FN1: variants seen among roughly 807,000 people sequenced by gnomAD.
FN1 encodes the protein fibronectin.
FN1 carries 106 observed loss-of-function variants against 297.3 expected under a neutral mutation model. The ratio of observed to expected loss-of-function variants is 0.36; its 90% CI spans 0.30 to 0.42. FN1 has a LOEUF of 0.42. Among genes scored for constraint, FN1 ranks in the 10% least tolerant of loss-of-function variants. The pLI, the probability that FN1 is intolerant of heterozygous loss-of-function variation, is 1.00. For synonymous variants in FN1, 1,149 were observed against 1,152.6 expected (o/e 1.00, Z 0.06); for missense variants, 2,690 against 3,124.9 (o/e 0.86, Z 3.32).
intron 21 of FN1, 45 bp downstream of exon 21, chr2:215,399,212 C>G: frequency 5.8e-6 from 8 of 1,381,672 alleles, no homozygotes; most frequent in Non-Finnish European, 8.0e-6. Flanking sequence ...ACCACAAGGA[C>G]AGCTCAGGGC....
At chr2:215,429,748 T>C (rs921117113) in intron 5 of FN1, among the ~76,000 whole-genome samples, 1 of 152,250 alleles carries the variant, frequency 6.6e-6, no homozygotes, top group Non-Finnish European at 1.5e-5. Flanking sequence ...CTAATGTTCA[T>C]TTCATATCTG....
intron 20 of FN1, among the ~76,000 whole-genome samples, chr2:215,400,241 C>G (rs1386797080): frequency 6.6e-6 from 1 of 151,762 alleles, no homozygotes; most frequent in African/African-American, 2.4e-5. Context: ...TAATGGTCAG[C>G]TATTTTTGGT....
chr2:215,408,975 G>A (rs951695496), intron 15 of FN1, among the ~76,000 whole-genome samples: 2 of 151,884 alleles, frequency 1.3e-5, no homozygotes, highest in South Asian at 2.1e-4. Flanking sequence ...TTCTAAAGAC[G>A]TATAATTTTT....
At position 215,424,183 on chromosome 2, in the gene FN1, C is replaced by T. The variant is rs757401219; in HGVS notation, c.1179G>A (p.Glu393=). The change falls in exon 8 of 46, where the codon GAG becomes GAA. Residue 393 remains glutamate (E), a synonymous_variant. Transcript: ENST00000354785. ...TGCAGAAAGAGTATTTCTGGTCCTG[C>T]TCATAATTCGAAGTTGTGCTGCACC... The part of the protein sequence containing the change: ...HLWCSTTSNY[E]QDQKYSFCTD... 1 of 1,614,194 alleles carries T rather than the reference C, an allele frequency of 6.2e-7. No homozygotes were observed. Among genetic ancestry groups the T allele is most frequent in the South Asian group, 1.1e-5 (1 of 91,076 alleles).
Position 215,361,394 on chromosome 2 carries a change from G to T in FN1, c.*161C>A. 1.4e-6 allele frequency: 1 copy of T among 734,802 alleles called. No homozygotes were observed. The highest frequency in any genetic ancestry group is 2.5e-6 in the Non-Finnish European group (1 of 397,762). The allele number at this position is 734,802 out of a possible 1,614,324, so 45.5% of individuals were successfully genotyped here. A position where few individuals can be genotyped will look rare whatever the true frequency, so the allele number is the denominator to read the frequency against. On this transcript the variant is annotated 3_prime_UTR_variant, in exon 46 of 46. Transcript: ENST00000354785. ...ACCCTCAGGAAACTCCCAGGGTGAT[G>T]CTTGGAGAAGCTGTGAGTTGAGCTG...
intron 15 of FN1, 116 bp from the exon 16 acceptor site, chr2:215,408,542 A>G: frequency 1.0e-6 from 1 of 975,340 alleles, no homozygotes; most frequent in South Asian, 1.3e-5. Flanking sequence ...AGCGACTAGA[A>G]GGTAATGTGC....
At chr2:215,381,844 A>G in intron 32 of FN1, 1 of 348,622 alleles carries the variant, frequency 2.9e-6, no homozygotes, top group Non-Finnish European at 5.6e-6. Flanking sequence ...AGCCCTTCAA[A>G]TGCCCCAAAC....
intron 8 of FN1, 98 bp downstream of exon 8, chr2:215,424,047 TG>T: frequency 8.3e-7 from 1 of 1,205,508 alleles, no homozygotes. Context: ...CGATGCTTCT[TG>T]GGCGGGTTCA....
At position 215,414,873 on chromosome 2, in the gene FN1, T is replaced by A; in HGVS notation, c.1905A>T (p.Pro635=). 6.8e-6 allele frequency: 11 copies of A among 1,613,858 alleles called. No homozygotes were observed. The highest frequency in any genetic ancestry group is 9.3e-6 in the Non-Finnish European group (11 of 1,179,792). ...TGAGAATGTACTTGGAAATGTGAGA[T>A]GGCTGTGGTGCATTCCACTGGATGG... is the stretch of plus-strand genomic sequence containing the variant. The part of the protein sequence containing the change: ...SHPIQWNAPQ[P]SHISKYILRW... Residue 635 remains proline, a synonymous_variant, in exon 13 of 46, where the codon CCA becomes CCT. Coordinates refer to ENST00000354785, the MANE Select transcript of FN1 (RefSeq NM_212482.4).
intron 7 of FN1, among the ~76,000 whole-genome samples, chr2:215,424,820 T>C (rs544777937): frequency 6.6e-6 from 1 of 152,350 alleles, no homozygotes; most frequent in Non-Finnish European, 1.5e-5. Context: ...ATATAAAACA[T>C]TGATGATTAT....
chr2:215,367,567 G>A, intron 42 of FN1: 1 of 414,950 alleles, frequency 2.4e-6, no homozygotes, highest in Non-Finnish European at 4.5e-6. Context: ...GGTTCCAAAA[G>A]TCTTTATCCA....
At position 215,409,354 on chromosome 2, in the gene FN1, G is replaced by A. The variant is rs187524809; in HGVS notation, c.2299+209C>T. ...TGATGCAGCTGGCATCAGGGACCAG[G>A]AACATGTGACAGTGGCTTGGGAAAA... On this transcript the variant is annotated intron_variant, in intron 15 of 45. Transcript: ENST00000354785. Among the ~76,000 whole-genome samples the A allele has an allele frequency of 2.4e-3, 369 of 152,218 alleles. 2 individuals carry two copies. Among genetic ancestry groups the A allele is most frequent in the African/African-American group, 8.2e-3 (341 of 41,532 alleles).
At chr2:215,362,408 A>G (rs2053644914) in intron 44 of FN1, 1 of 325,776 alleles carries the variant, frequency 3.1e-6, no homozygotes, top group Non-Finnish European at 5.9e-6. Context: ...GATGATAGAA[A>G]AGGTTTTCAA....
In FN1 at chr2:215,375,738, G is replaced by A; in HGVS notation, c.5888-20C>T. The A allele has an allele frequency of 6.6e-7, 1 of 1,507,854 alleles. No homozygotes were observed. Among genetic ancestry groups the A allele is most frequent in the Non-Finnish European group, 9.2e-7 (1 of 1,083,378 alleles). 93.4% of individuals were successfully genotyped at this position (1,507,854 alleles called of 1,614,324 possible). On this transcript the variant is annotated intron_variant, in intron 36 of 45. Transcript: ENST00000354785. ...GTAAACCTGGGATTTGAGAAGAGAT[G>A]ATTTTTAACAGTTCTTGCTTTTTAC...
intron 40 of FN1, 106 bp from the exon 41 acceptor site, chr2:215,370,538 GACAAAAAACAAAAA>G (rs1185116408): frequency 8.9e-5 from 35 of 393,238 alleles, no homozygotes; most frequent in South Asian, 5.1e-4. Context: ...AGCAAAGGAA[GACAAAAAACAAAAA>G]ACAAAAAAAA....
At chr2:215,424,948 T>C in intron 7 of FN1, 146 bp downstream of exon 7, 1 of 780,834 alleles carries the variant, frequency 1.3e-6, no homozygotes, top group Non-Finnish European at 2.2e-6. Context: ...AAGAAACTAT[T>C]TCAAATGCCA....
intron 41 of FN1, among the ~76,000 whole-genome samples, chr2:215,369,283 G>A (rs1223602387): frequency 2.0e-5 from 3 of 150,126 alleles, no homozygotes; most frequent in Non-Finnish European, 2.9e-5. Context: ...TTCTGTTCAC[G>A]TGGCATTCTA....
At chr2:215,394,487 G>A (rs766037873) in intron 24 of FN1, 41 bp downstream of exon 24, 1 of 1,480,246 alleles carries the variant, frequency 6.8e-7, no homozygotes, top group South Asian at 1.1e-5. Context: ...CACTCTTATT[G>A]GAAGTGTCAC....
At chr2:215,376,745 G>A (rs571947616) in intron 35 of FN1, 71 bp from the exon 36 acceptor site, 34 of 1,357,872 alleles carry the variant, frequency 2.5e-5, no homozygotes, top group South Asian at 2.3e-4. Flanking sequence ...ATTTTAAAAC[G>A]TTTCCTTGGT....
Sources: allele counts gnomAD v4.1 joint callset (sites outside exome capture counted in the v4.1 genomes callset), GRCh38; gene constraint gnomAD v4.1.1; transcripts MANE v1.5; gene names NCBI Gene and HGNC (gene_info 2026-07-23, HGNC 2026-07-21).